The following PTPRN2 variants were observed in gnomAD, a reference collection of about 807,000 sequenced individuals.
PTPRN2 encodes the protein protein tyrosine phosphatase receptor type N2.
A neutral mutation model predicts 118.8 loss-of-function variants in PTPRN2; 74 were observed. That is an observed-to-expected ratio of 0.62 (90% CI 0.52 to 0.76). The LOEUF is 0.76. PTPRN2 is among the 30% of genes least tolerant of loss of function. The pLI is 0.00. For missense variants in PTPRN2, 1,481 were observed against 1,394.4 expected, an observed-to-expected ratio of 1.06 and a Z score of -0.99; for synonymous variants, 641 against 608.0, an observed-to-expected ratio of 1.05 and a Z score of -0.80.
chr7:157,888,070 T>C (rs368647258), intron 12 of PTPRN2, among the ~76,000 whole-genome samples: 1 of 149,864 alleles, frequency 6.7e-6, no homozygotes, highest in African/African-American at 2.5e-5. Flanking sequence ...GGGGTGTGAG[T>C]GAATGTTTCT....
Position 158,544,007 on chromosome 7 carries a change from C to T in PTPRN2, c.112+43551G>A, listed in dbSNP as rs182237836. On this transcript the variant is annotated intron_variant, in intron 1 of 22. Transcript: ENST00000389418. This position sits in a 1 kb window ranked among gnomAD's most constrained non-coding sequence, Gnocchi z 4.2. ...AAAAACCAGGGCAGCCCCAACTGGC[C>T]GGGAAAGCTCCTCTGGGCTCTGCCC... 1.3e-3 allele frequency among the ~76,000 whole-genome samples: 193 copies of T among 152,346 alleles called. 1 individual carries two copies. Among genetic ancestry groups the T allele is most frequent in the African/African-American group, 4.3e-3 (177 of 41,582 alleles).
intron 12 of PTPRN2, among the ~76,000 whole-genome samples, chr7:157,796,086 G>A (rs1226024772): frequency 1.3e-5 from 2 of 152,328 alleles, no homozygotes; most frequent in Admixed American, 6.5e-5. Flanking sequence ...CGTGAGATAC[G>A]GCCTCCACAT....
At chr7:157,879,012 G>A (rs1795958818) in intron 12 of PTPRN2, among the ~76,000 whole-genome samples, 1 of 140,514 alleles carries the variant, frequency 7.1e-6, no homozygotes. Flanking sequence ...CCATGGGGCT[G>A]GAAGGGTCAG....
intron 21 of PTPRN2, among the ~76,000 whole-genome samples, chr7:157,567,055 TTGTC>T (rs1457261516): frequency 3.3e-5 from 5 of 152,146 alleles, no homozygotes; most frequent in African/African-American, 7.2e-5. Flanking sequence ...AGAAAAATCT[TTGTC>T]TGAGAGAGGG....
At position 157,727,521 on chromosome 7, in the gene PTPRN2, G is replaced by A. The variant is rs186472663; in HGVS notation, c.1789-44584C>T. ...GAGACAGAGGGTAGAGTGGGCTGCC[G>A]GGGTGGGGGGAGGAACAGGGGTCAG... is the stretch of plus-strand genomic sequence containing the variant. On this transcript the variant is annotated intron_variant, in intron 12 of 22. Transcript: ENST00000389418. Among the ~76,000 whole-genome samples the A allele has an allele frequency of 9.5e-3, 1,440 of 152,274 alleles. 21 individuals are homozygous for A. The highest frequency in any genetic ancestry group is 0.033 in the African/African-American group (1,354 of 41,550).
chr7:157,593,847 C>G (rs562392637), intron 17 of PTPRN2, among the ~76,000 whole-genome samples: 243 of 152,318 alleles, frequency 1.6e-3, no homozygotes, highest in Admixed American at 5.5e-3. Context: ...GCCCAAGTGC[C>G]CCCAAAACCA....
At position 157,801,552 on chromosome 7, in the gene PTPRN2, T is replaced by TA. The variant is rs371739399; in HGVS notation, c.1788+97120dup. 2.0e-5 allele frequency among the ~76,000 whole-genome samples: 3 copies of TA among 152,002 alleles called. No homozygotes were observed. The highest frequency in any genetic ancestry group is 7.3e-5 in the African/African-American group (3 of 41,360). ...ACTGGGTTGAGAAATCTGTGGGTGA[T>TA]AGAGTATAGGTAAAAACATCTTAGC... is the stretch of plus-strand genomic sequence containing the variant. On this transcript the variant is annotated intron_variant, in intron 12 of 22. Transcript: ENST00000389418. The surrounding 1 kb of genome is among the most constrained non-coding windows in gnomAD (Gnocchi z 4.2).
At chr7:158,528,223 G>C (rs1394010508) in intron 1 of PTPRN2, among the ~76,000 whole-genome samples, 1 of 152,220 alleles carries the variant, frequency 6.6e-6, no homozygotes, top group Non-Finnish European at 1.5e-5. Context: ...CCGAGAAGGT[G>C]CACTCATACA....
intron 12 of PTPRN2, among the ~76,000 whole-genome samples, chr7:157,747,675 C>G (rs1471150694): frequency 8.8e-6 from 1 of 113,560 alleles, no homozygotes; most frequent in Non-Finnish European, 1.8e-5. Context: ...GAGCTGTGGG[C>G]TGTTGAGGTG....
Position 157,764,162 on chromosome 7 carries a change from C to T in PTPRN2, c.1789-81225G>A, listed in dbSNP as rs768790626. Among the ~76,000 whole-genome samples, 2 of 152,198 alleles carry T rather than the reference C, an allele frequency of 1.3e-5. No homozygotes were observed. The highest frequency in any genetic ancestry group is 2.9e-5 in the Non-Finnish European group (2 of 68,034). ...AGGGAGGAATATAGCATGATGCAGT[C>T]GCTGTTAGTGGGTCCTCAAAAAACT... On this transcript the variant is annotated intron_variant, in intron 12 of 22. Transcript: ENST00000389418. This position sits in a 1 kb window ranked among gnomAD's most constrained non-coding sequence, Gnocchi z 4.5.
intron 2 of PTPRN2, among the ~76,000 whole-genome samples, chr7:158,441,057 ATGGGGG>A (rs1276258511): frequency 2.2e-5 from 1 of 45,172 alleles, no homozygotes; most frequent in Non-Finnish European, 5.1e-5. Context: ...GGTGGTAGTG[ATGGGGG>A]TGGTAGTGAT....
chr7:158,484,864 T>G (rs1820889311), intron 2 of PTPRN2, among the ~76,000 whole-genome samples: 1 of 152,118 alleles, frequency 6.6e-6, no homozygotes, highest in South Asian at 2.1e-4. Context: ...GAGAAAGGGC[T>G]TGGAATAGAA....
At chr7:158,407,197 CTGGGT>C (rs1813574416) in intron 2 of PTPRN2, among the ~76,000 whole-genome samples, 614 of 28,732 alleles carry the variant, frequency 0.021, 57 homozygotes, top group Non-Finnish European at 0.035. Flanking sequence ...GTCCTGGGTC[CTGGGT>C]CCTGGGTCCT....
At chr7:157,895,117 G>T (rs1797033900) in intron 12 of PTPRN2, among the ~76,000 whole-genome samples, 1 of 152,120 alleles carries the variant, frequency 6.6e-6, no homozygotes, top group African/African-American at 2.4e-5. Context: ...CTAGGAAACG[G>T]CCAGAGGGTC....
At chr7:157,736,288 T>C (rs1316039068) in intron 12 of PTPRN2, among the ~76,000 whole-genome samples, 1 of 152,210 alleles carries the variant, frequency 6.6e-6, no homozygotes, top group Non-Finnish European at 1.5e-5. Context: ...TTAGAGGTTG[T>C]TATAGGCTGA....
At chr7:158,112,741 G>A (rs1307937371) in intron 9 of PTPRN2, among the ~76,000 whole-genome samples, 1 of 152,010 alleles carries the variant, frequency 6.6e-6, no homozygotes, top group Non-Finnish European at 1.5e-5. Flanking sequence ...GGGGCATCCA[G>A]GCTGGGTGCT....
At chr7:158,114,453 G>A (rs970221799) in intron 9 of PTPRN2, among the ~76,000 whole-genome samples, 3 of 151,658 alleles carry the variant, frequency 2.0e-5, no homozygotes, top group Admixed American at 2.0e-4. Flanking sequence ...AACGTAGGTC[G>A]CTCAGCTTCA....
At chr7:158,203,225 C>CAAAAAAAAAAAAAAAAA (rs56016358) in intron 4 of PTPRN2, among the ~76,000 whole-genome samples, 2 of 50,332 alleles carry the variant, frequency 4.0e-5, no homozygotes, top group Non-Finnish European at 7.8e-5. Flanking sequence ...AAGCAAGAGC[C>CAAAAAAAAAAAAAAAAA]AAAAAAAAAA....
rs111219467 is a variant in PTPRN2, at chr7:157,840,254, C to T, written c.1788+58419G>A. ...GTGACTGTGTGTGACTGTGTAACCG[C>T]GTGTGACTGTGTGGCCGCGTGTGAC... On this transcript the variant is annotated intron_variant, in intron 12 of 22. Transcript: ENST00000389418. 8.0e-3 allele frequency among the ~76,000 whole-genome samples: 877 copies of T among 109,908 alleles called. 2 individuals carry two copies. Among genetic ancestry groups the T allele is most frequent in the Admixed American group, 0.012 (122 of 10,126 alleles). 72.1% of individuals were successfully genotyped at this position (109,908 alleles called of 152,430 possible).
Sources: allele counts gnomAD v4.1 joint callset (sites outside exome capture counted in the v4.1 genomes callset), GRCh38; gene constraint gnomAD v4.1.1; non-coding constraint Gnocchi (gnomAD v3.1); transcripts MANE v1.5; gene names NCBI Gene and HGNC (gene_info 2026-07-23, HGNC 2026-07-21).